WNK1: variants seen among roughly 807,000 people sequenced by gnomAD.
WNK1 encodes serine/threonine-protein kinase WNK1.
A neutral mutation model predicts 222.8 loss-of-function variants in WNK1; 38 were observed. The ratio of observed to expected loss-of-function variants is 0.17; its 90% CI spans 0.13 to 0.22. The LOEUF is 0.22. Among genes scored for constraint, WNK1 ranks in the 10% least tolerant of loss-of-function variants. The pLI is 1.00. For synonymous variants in WNK1, 1,090 were observed against 1,092.9 expected (o/e 1.00, Z 0.05); for missense variants, 2,348 against 2,918.4 (o/e 0.80, Z 4.50).
intron 1 of WNK1, among the ~76,000 whole-genome samples, chr12:774,041 C>T (rs986374983): frequency 1.3e-5 from 2 of 152,164 alleles, no homozygotes; most frequent in South Asian, 4.1e-4. Flanking sequence ...ACAAATCCCC[C>T]TCCCTCTAAT....
chr12:865,645 G>C (rs144145835), intron 8 of WNK1, among the ~76,000 whole-genome samples: 1 of 152,022 alleles, frequency 6.6e-6, no homozygotes, highest in Non-Finnish European at 1.5e-5. Context: ...GTTTCCTATC[G>C]ACATAAAATT....
chr12:868,884 C>G (rs781638803), intron 8 of WNK1: 3 of 1,608,786 alleles, frequency 1.9e-6, no homozygotes, highest in Non-Finnish European at 1.7e-6. Flanking sequence ...TCCAGTGATT[C>G]CTCACAAATC....
At chr12:903,124 CCT>C (rs1409680944) in intron 26 of WNK1, among the ~76,000 whole-genome samples, 2 of 152,146 alleles carry the variant, frequency 1.3e-5, no homozygotes, top group East Asian at 3.8e-4. Context: ...CACACATACC[CCT>C]GTTATTTTTA....
At chr12:839,218 T>C (rs1405344208) in intron 4 of WNK1, among the ~76,000 whole-genome samples, 1 of 152,148 alleles carries the variant, frequency 6.6e-6, no homozygotes, top group East Asian at 1.9e-4. Flanking sequence ...TTGTCAAGTT[T>C]GGAAGTAGGA....
At chr12:802,108 G>A (rs1225467644) in intron 1 of WNK1, among the ~76,000 whole-genome samples, 1 of 152,084 alleles carries the variant, frequency 6.6e-6, no homozygotes, top group African/African-American at 2.4e-5. Context: ...GTATAATTGG[G>A]CATTATTATC....
rs1955929505 is a variant in WNK1, at chr12:909,134, G to A, written c.*342G>A. 1 of 299,496 alleles carries A rather than the reference G, an allele frequency of 3.3e-6. No individual in the cohort carries two copies. Among genetic ancestry groups the A allele is most frequent in the Non-Finnish European group, 6.4e-6 (1 of 155,856 alleles). 18.6% of individuals were successfully genotyped at this position (299,496 alleles called of 1,614,324 possible). On this transcript the variant is annotated 3_prime_UTR_variant, in exon 28 of 28. Coordinates refer to ENST00000315939, the MANE Select transcript of WNK1 (RefSeq NM_018979.4). ...ACTCAATGTAAAATCAAACCCATCT[G>A]TAATTTCGAGTGGGTGGAGCTCTTG...
At chr12:804,947 AT>A (rs1565455017) in intron 1 of WNK1, among the ~76,000 whole-genome samples, 1 of 143,930 alleles carries the variant, frequency 6.9e-6, no homozygotes, top group Admixed American at 7.0e-5. Flanking sequence ...TATTATATAT[AT>A]ATAATATAAA....
rs1953220775 is a variant in WNK1 at position 882,176 on chromosome 12, G to A, written c.3372+103G>A. 5 of 1,297,780 alleles carry A rather than the reference G, an allele frequency of 3.9e-6. No individual in the cohort carries two copies. In the South Asian group the frequency reaches 5.3e-5, roughly 14 times the overall value. 80.4% of individuals were successfully genotyped at this position (1,297,780 alleles called of 1,614,324 possible). On this transcript the variant is annotated intron_variant, in intron 14 of 27. Transcript: ENST00000315939. ...CAAACCACTCACTTCATAAAATAAA[G>A]ATAACTATCTGTGTGTGACAGATAA...
At chr12:792,979 T>C (rs530442495) in intron 1 of WNK1, among the ~76,000 whole-genome samples, 273 of 152,286 alleles carry the variant, frequency 1.8e-3, no homozygotes, top group Non-Finnish European at 2.1e-3. Flanking sequence ...GGGTAATGTT[T>C]TAGTGTTATT....
intron 1 of WNK1, among the ~76,000 whole-genome samples, chr12:796,576 G>A (rs1437341524): frequency 3.3e-5 from 5 of 152,192 alleles, no homozygotes; most frequent in South Asian, 2.1e-4. Flanking sequence ...GCGCCCAGCT[G>A]AAATCTCAAA....
In WNK1 at chr12:908,861, G is replaced by GGGGGGGGGGGGGGCCA; in HGVS notation, c.*69_*70insGGGGGGGGGGGGGCCA. On this transcript the variant is annotated 3_prime_UTR_variant, in exon 28 of 28. Coordinates refer to ENST00000315939, the MANE Select transcript of WNK1 (RefSeq NM_018979.4). Reference sequence around the variant, plus strand: ...ATGCTGAGGGGGTGGGTGGGGGTGGGAAGTAGCCTATATACTAACTACTAG... The same window carrying GGGGGGGGGGGGGGCCA: ...ATGCTGAGGGGGTGGGTGGGGGTGGGGGGGGGGGGGGGGCCAAAGTAGCCTATATACTAACTACTAG... The GGGGGGGGGGGGGGCCA allele has an allele frequency of 4.1e-6, 2 of 491,846 alleles. No individual in the cohort carries two copies. The highest frequency in any genetic ancestry group is 8.3e-6 in the Non-Finnish European group (2 of 241,770). The allele number at this position is 491,846 out of a possible 1,614,324, so 30.5% of individuals were successfully genotyped here. A position where few individuals can be genotyped will look rare whatever the true frequency, so the allele number is the denominator to read the frequency against.
chr12:779,569 T>A lies in WNK1; in HGVS notation c.759+25245T>A, dbSNP rs1943476107. On this transcript the variant is annotated intron_variant, in intron 1 of 27. Transcript: ENST00000315939. The stretch of plus-strand genomic sequence containing the variant: ...ACAGGTGCGCGCCGCACCTGGCTAA[T>A]CTTTGTATTTTTAGTAGAGACAGGG... Among the ~76,000 whole-genome samples, 3 of 152,244 alleles carry A rather than the reference T, an allele frequency of 2.0e-5. No individual in the cohort carries two copies. The South Asian group carries it at 6.2e-4, about 32-fold the overall frequency.
At position 827,042 on chromosome 12, in the gene WNK1, G is replaced by T. The variant is rs887380552; in HGVS notation, c.933G>T (p.Thr311=). The change falls in exon 3 of 28, where the codon ACG becomes ACT. Residue 311 remains threonine, a splice_region_variant and synonymous_variant. Coordinates refer to ENST00000315939, the MANE Select transcript of WNK1 (RefSeq NM_018979.4). This position sits in a 1 kb window ranked among gnomAD's most constrained non-coding sequence, Gnocchi z 4.6. ...GTTTGGTATACTTTGCTTTTTCTAG[G>T]TATCTGAAAAGGTTTAAAGTGATGA... is the stretch of plus-strand genomic sequence containing the variant. ...TELMTSGTLK[T]YLKRFKVMKI... is the part of the protein sequence containing the mutation. 4.3e-6 allele frequency: 7 copies of T among 1,612,564 alleles called. No homozygotes were observed. Among genetic ancestry groups the T allele is most frequent in the Non-Finnish European group, 5.9e-6 (7 of 1,179,860 alleles).
chr12:873,600 A>G (rs1952352258), intron 9 of WNK1, among the ~76,000 whole-genome samples: 1 of 152,238 alleles, frequency 6.6e-6, no homozygotes, highest in South Asian at 2.1e-4. Flanking sequence ...AGATTCCTAG[A>G]ATAGTATTGT....
chr12:769,344 G>T (rs929104487), intron 1 of WNK1, among the ~76,000 whole-genome samples: 3 of 151,864 alleles, frequency 2.0e-5, no homozygotes, highest in Non-Finnish European at 4.4e-5. Flanking sequence ...GATTACAGGC[G>T]CATGCCACCA....
At chr12:796,806 A>G (rs1287712462) in intron 1 of WNK1, among the ~76,000 whole-genome samples, 1 of 152,140 alleles carries the variant, frequency 6.6e-6, no homozygotes, top group African/African-American at 2.4e-5. Flanking sequence ...CTGTACCAAT[A>G]TATCAACCAA....
chr12:782,504 A>G (rs1943817591), intron 1 of WNK1, among the ~76,000 whole-genome samples: 1 of 152,176 alleles, frequency 6.6e-6, no homozygotes, highest in African/African-American at 2.4e-5. Flanking sequence ...CTATGAATTA[A>G]TGGGAATTTT....
At chr12:863,124 G>A (rs1276469119) in intron 8 of WNK1, among the ~76,000 whole-genome samples, 1 of 152,170 alleles carries the variant, frequency 6.6e-6, no homozygotes, top group Non-Finnish European at 1.5e-5. Context: ...TACAGCACTT[G>A]TTTAGTGAGA....
intron 23 of WNK1, among the ~76,000 whole-genome samples, chr12:895,827 A>C (rs551156998): frequency 4.6e-5 from 7 of 152,340 alleles, no homozygotes; most frequent in Non-Finnish European, 7.3e-5. Context: ...TCAAATACGA[A>C]AGTAAATTAT....
Sources: allele counts gnomAD v4.1 joint callset (sites outside exome capture counted in the v4.1 genomes callset), GRCh38; gene constraint gnomAD v4.1.1; non-coding constraint Gnocchi (gnomAD v3.1); transcripts MANE v1.5; gene names NCBI Gene and HGNC (gene_info 2026-07-23, HGNC 2026-07-21).